The following LRRTM4 variants were observed in gnomAD, a reference collection of about 807,000 sequenced individuals.
LRRTM4 encodes leucine rich repeat transmembrane neuronal 4, also known as leucine-rich repeat transmembrane neuronal protein 4.
A neutral mutation model predicts 47.6 loss-of-function variants in LRRTM4; 25 were observed. The ratio of observed to expected loss-of-function variants is 0.53; its 90% CI spans 0.38 to 0.73. The LOEUF is 0.73. Ranked by LOEUF, LRRTM4 falls within the 30% of genes least tolerant of loss-of-function variation. LRRTM4 has a pLI of 0.00. For missense variants in LRRTM4, 638 were observed against 713.4 expected (o/e 0.89, Z 1.20); for synonymous variants, 311 against 269.5 (o/e 1.15, Z -1.51).
At chr2:77,272,489 A>C (rs527802388) in intron 3 of LRRTM4, among the ~76,000 whole-genome samples, 1 of 152,336 alleles carries the variant, frequency 6.6e-6, no homozygotes, top group Admixed American at 6.5e-5. Context: ...TCATTAAACA[A>C]GTGTATTGAT....
intron 3 of LRRTM4, among the ~76,000 whole-genome samples, chr2:76,785,492 A>G (rs897190666): frequency 6.6e-6 from 1 of 152,142 alleles, no homozygotes; most frequent in African/African-American, 2.4e-5. Flanking sequence ...TGGGTACGTC[A>G]GTCTCTAATC....
chr2:77,058,033 A>G (rs1446926070), intron 3 of LRRTM4, among the ~76,000 whole-genome samples: 1 of 152,066 alleles, frequency 6.6e-6, no homozygotes, highest in African/African-American at 2.4e-5. Flanking sequence ...TATTTTGTCA[A>G]TATTTTAGAT....
intron 3 of LRRTM4, among the ~76,000 whole-genome samples, chr2:77,362,117 G>GAAAGAAAGAAAGAAAGAA (rs1369861857): frequency 1.0e-5 from 1 of 97,326 alleles, no homozygotes; most frequent in East Asian, 4.0e-4. Flanking sequence ...AAGAAAGAGA[G>GAAAGAAAGAAAGAAAGAA]AAAGAAAGAA....
At chr2:77,019,833 T>C (rs2104099239) in intron 3 of LRRTM4, among the ~76,000 whole-genome samples, 1 of 152,214 alleles carries the variant, frequency 6.6e-6, no homozygotes, top group South Asian at 2.1e-4. Flanking sequence ...CATGTAGCAC[T>C]GGCTTTAGTA....
intron 3 of LRRTM4, among the ~76,000 whole-genome samples, chr2:77,163,360 C>G (rs1558612931): frequency 6.6e-6 from 1 of 152,076 alleles, no homozygotes; most frequent in Non-Finnish European, 1.5e-5. Context: ...ATTGGTGTAC[C>G]TGAAAGTGAT....
At chr2:77,404,776 C>T (rs1364769657) in intron 3 of LRRTM4, among the ~76,000 whole-genome samples, 1 of 152,092 alleles carries the variant, frequency 6.6e-6, no homozygotes, top group East Asian at 1.9e-4. Flanking sequence ...TAACTCAACA[C>T]ATTATTTGAT....
chr2:77,049,123 T>TATATAA, intron 3 of LRRTM4, among the ~76,000 whole-genome samples: 1 of 40,708 alleles, frequency 2.5e-5, no homozygotes. Context: ...TTTCATTTTT[T>TATATAA]ATATATATAT....
In LRRTM4 at chr2:77,041,470, ATT is replaced by A. The variant is rs1679032104; in HGVS notation, c.1552-292556_1552-292555del. 2.0e-5 allele frequency among the ~76,000 whole-genome samples: 3 copies of A among 151,380 alleles called. No homozygotes were observed. The South Asian group carries it at 6.2e-4, about 31-fold the overall frequency. On this transcript the variant is annotated intron_variant, in intron 3 of 3. Coordinates refer to ENST00000409884, the MANE Select transcript of LRRTM4 (RefSeq NM_001134745.3). ...AGCCAGATCATACAGTAGTTTTGAA[ATT>A]TTAAGGAACCTCTATATGGTTTTCC...
chr2:77,045,408 A>C (rs1223989313), intron 3 of LRRTM4, among the ~76,000 whole-genome samples: 1 of 151,842 alleles, frequency 6.6e-6, no homozygotes, highest in Non-Finnish European at 1.5e-5. Context: ...TCCCCTGCAA[A>C]TTCAATCATT....
chr2:77,065,789 T>C (rs1027888325), intron 3 of LRRTM4, among the ~76,000 whole-genome samples: 1 of 152,152 alleles, frequency 6.6e-6, no homozygotes, highest in Admixed American at 6.5e-5. Flanking sequence ...GGAGTTAATT[T>C]CCAATTCACC....
At chr2:77,410,396 T>TTAGA (rs1359590902) in intron 3 of LRRTM4, among the ~76,000 whole-genome samples, 5 of 152,172 alleles carry the variant, frequency 3.3e-5, no homozygotes, top group Non-Finnish European at 7.3e-5. Context: ...GAAACCCCTG[T>TTAGA]TAGATATCTT....
rs67377276 is a variant in LRRTM4 at position 77,480,822 on chromosome 2, G to GGAGAGAGAGAGAGAGA, written c.1551+37480_1551+37495dup. ...TGTGTGTGTGTGTGTGTGTGTGTGT[G>GGAGAGAGAGAGAGAGA]GAGAGAGAGAGAGAGAGAGAGAGAG... On this transcript the variant is annotated intron_variant, in intron 3 of 3. Coordinates refer to ENST00000409884, the MANE Select transcript of LRRTM4 (RefSeq NM_001134745.3). Among the ~76,000 whole-genome samples the GGAGAGAGAGAGAGAGA allele has an allele frequency of 1.9e-3, 140 of 74,494 alleles. 6 individuals are homozygous for GGAGAGAGAGAGAGAGA. Among genetic ancestry groups the GGAGAGAGAGAGAGAGA allele is most frequent in the Non-Finnish European group, 3.0e-3 (125 of 41,486 alleles). The allele number at this position is 74,494 out of a possible 152,430, so 48.9% of individuals were successfully genotyped here.
At chr2:76,804,722 A>G (rs1011680827) in intron 3 of LRRTM4, among the ~76,000 whole-genome samples, 4 of 147,052 alleles carry the variant, frequency 2.7e-5, no homozygotes, top group Non-Finnish European at 6.0e-5. Flanking sequence ...ATATAAAACA[A>G]TGATATATCA....
At chr2:76,989,604 G>GT (rs1349664166) in intron 3 of LRRTM4, among the ~76,000 whole-genome samples, 1 of 151,754 alleles carries the variant, frequency 6.6e-6, no homozygotes, top group Non-Finnish European at 1.5e-5. Context: ...GCAATGAATA[G>GT]TTAGCCTGTC....
intron 3 of LRRTM4, among the ~76,000 whole-genome samples, chr2:77,426,909 T>C (rs1036820589): frequency 1.3e-5 from 2 of 151,500 alleles, no homozygotes; most frequent in Admixed American, 6.6e-5. Flanking sequence ...AAATGCATAT[T>C]TTCTTATAAG....
rs1179211156 is a variant in LRRTM4, at chr2:76,965,716, CTG to C, written c.1552-216802_1552-216801del. On this transcript the variant is annotated intron_variant, in intron 3 of 3. Transcript: ENST00000409884. The stretch of plus-strand genomic sequence containing the variant: ...TTTCACTAGGCATTTCAAATAAACA[CTG>C]TAACATGTTCTAACTGTAAAATACA... Among the ~76,000 whole-genome samples, 6 of 151,346 alleles carry C rather than the reference CTG, an allele frequency of 4.0e-5. No homozygotes were observed. The South Asian group carries it at 1.0e-3, about 26-fold the overall frequency.
chr2:76,803,179 G>T (rs1675795034), intron 3 of LRRTM4, among the ~76,000 whole-genome samples: 1 of 152,042 alleles, frequency 6.6e-6, no homozygotes, highest in South Asian at 2.1e-4. Flanking sequence ...CAGGATAAAA[G>T]TATTTGCAAA....
chr2:77,505,094 G>C (rs938160182), intron 3 of LRRTM4, among the ~76,000 whole-genome samples: 1 of 150,954 alleles, frequency 6.6e-6, no homozygotes, highest in East Asian at 1.9e-4. Context: ...TTTTATTTAA[G>C]AGATAATTAT....
chr2:77,360,549 C>CG (rs1558706368), intron 3 of LRRTM4, among the ~76,000 whole-genome samples: 12 of 48,984 alleles, frequency 2.4e-4, no homozygotes, highest in Non-Finnish European at 3.8e-4. Context: ...TACAATCATT[C>CG]ATACATACAT....
Sources: allele counts gnomAD v4.1 joint callset (sites outside exome capture counted in the v4.1 genomes callset), GRCh38; gene constraint gnomAD v4.1.1; transcripts MANE v1.5; gene names NCBI Gene and HGNC (gene_info 2026-07-23, HGNC 2026-07-21).